Variants in GDPD5 observed in about 807,000 individuals in gnomAD.
GDPD5 encodes glycerophosphodiester phosphodiesterase 2.
A neutral mutation model predicts 75.1 loss-of-function variants in GDPD5; 48 were observed. That is an observed-to-expected ratio of 0.64 (90% confidence interval 0.51 to 0.81). The LOEUF (loss-of-function observed/expected upper bound fraction) is 0.81, where lower values mean the gene tolerates loss of function less well. Ranked by LOEUF, GDPD5 falls within the 40% of genes least tolerant of loss-of-function variation. GDPD5 has a pLI of 0.00. For synonymous variants in GDPD5, 336 were observed against 339.0 expected, an observed-to-expected ratio of 0.99 and a Z score of 0.10; for missense variants, 706 against 822.6, an observed-to-expected ratio of 0.86 and a Z score of 1.73.
chr11:75,466,269 G>T (rs1389769606), intron 3 of GDPD5, among the ~76,000 whole-genome samples: 6 of 152,180 alleles, frequency 3.9e-5, no homozygotes. Context: ...CCTGTAGATG[G>T]GGATGAAGAG....
intron 6 of GDPD5, among the ~76,000 whole-genome samples, chr11:75,456,125 A>G (rs1207684629): frequency 1.3e-5 from 2 of 152,212 alleles, no homozygotes; most frequent in African/African-American, 4.8e-5. Context: ...GGGCAAGAGC[A>G]AAGTGCTAAA....
intron 3 of GDPD5, among the ~76,000 whole-genome samples, chr11:75,467,238 T>G (rs1451484241): frequency 6.6e-6 from 1 of 152,162 alleles, no homozygotes; most frequent in African/African-American, 2.4e-5. Context: ...CTCGGTCTCC[T>G]CGTTGTAAAT....
At chr11:75,513,923 C>T (rs1950585349) in intron 1 of GDPD5, among the ~76,000 whole-genome samples, 2 of 152,208 alleles carry the variant, frequency 1.3e-5, no homozygotes, top group African/African-American at 4.8e-5. Flanking sequence ...GCCGCAGGGA[C>T]CCTCACCACT....
intron 1 of GDPD5, chr11:75,516,163 GGGA>G (rs1565225037): frequency 6.6e-5 from 10 of 152,502 alleles, no homozygotes; most frequent in Admixed American, 3.9e-4. Flanking sequence ...GCATAAATGG[GGGA>G]CTGAAGGAAA....
chr11:75,521,208 G>C (rs558258454), intron 1 of GDPD5, among the ~76,000 whole-genome samples: 1 of 152,172 alleles, frequency 6.6e-6, no homozygotes, highest in African/African-American at 2.4e-5. Flanking sequence ...GCCTGTGCAC[G>C]GCCTAGGGCC....
intron 1 of GDPD5, among the ~76,000 whole-genome samples, chr11:75,505,167 T>C (rs1950370369): frequency 6.7e-6 from 1 of 149,884 alleles, no homozygotes; most frequent in African/African-American, 2.4e-5. Context: ...TTGAGGTAGA[T>C]AGGGAGATTA....
rs1336508051 is a variant in GDPD5 at position 75,434,780 on chromosome 11, C to T, written c.*727G>A. 1 of 152,360 alleles carries T rather than the reference C, an allele frequency of 6.6e-6. No individual in the cohort carries two copies. The highest frequency in any genetic ancestry group is 1.5e-5 in the Non-Finnish European group (1 of 68,120). 9.4% of individuals were successfully genotyped at this position (152,360 alleles called of 1,614,324 possible). ...GCCCTGTGGCCACTGATGTGGGAAC[C>T]TGAGGTCACATCAGTCTGTGGACTC... is the stretch of plus-strand genomic sequence containing the variant. On this transcript the variant is annotated 3_prime_UTR_variant, in exon 17 of 17. Coordinates refer to ENST00000336898, the MANE Select transcript of GDPD5 (RefSeq NM_030792.8).
At chr11:75,451,528 G>C (rs1395519158) in intron 6 of GDPD5, 1 of 152,264 alleles carries the variant, frequency 6.6e-6, no homozygotes, top group African/African-American at 2.4e-5. Flanking sequence ...TTCTCGGACA[G>C]ACAGCACGCT....
chr11:75,511,745 A>G (rs1950522402), intron 1 of GDPD5, among the ~76,000 whole-genome samples: 1 of 152,190 alleles, frequency 6.6e-6, no homozygotes, highest in Non-Finnish European at 1.5e-5. Flanking sequence ...CATGACAGAG[A>G]CAGATAATGA....
At chr11:75,470,923 C>G (rs912619524) in intron 3 of GDPD5, among the ~76,000 whole-genome samples, 1 of 152,202 alleles carries the variant, frequency 6.6e-6, no homozygotes, top group East Asian at 1.9e-4. Context: ...CCCCCTTGTG[C>G]GGGCTCTGCC....
intron 9 of GDPD5, among the ~76,000 whole-genome samples, chr11:75,445,182 T>C (rs1319946259): frequency 6.6e-6 from 1 of 152,180 alleles, no homozygotes; most frequent in African/African-American, 2.4e-5. Context: ...GACAAGGTCT[T>C]GCTGTCACCC....
intron 16 of GDPD5, among the ~76,000 whole-genome samples, 200 bp downstream of exon 16, chr11:75,436,736 T>G (rs1326049415): frequency 1.3e-5 from 2 of 152,068 alleles, no homozygotes; most frequent in Non-Finnish European, 1.5e-5. Context: ...ACTGTGTGTG[T>G]GGGGGTGTGT....
At chr11:75,504,357 C>T (rs151053768) in intron 1 of GDPD5, among the ~76,000 whole-genome samples, 102 of 152,316 alleles carry the variant, frequency 6.7e-4, no homozygotes, top group African/African-American at 2.3e-3. Flanking sequence ...CAGGGTCCAA[C>T]CCAGGCCCAT....
At chr11:75,455,534 G>A (rs1342820031) in intron 6 of GDPD5, among the ~76,000 whole-genome samples, 2 of 152,162 alleles carry the variant, frequency 1.3e-5, no homozygotes, top group Non-Finnish European at 2.9e-5. Context: ...GCCCAACCCA[G>A]GCTCATGCTG....
intron 6 of GDPD5, among the ~76,000 whole-genome samples, chr11:75,455,572 C>G (rs1036078625): frequency 6.6e-6 from 1 of 152,250 alleles, no homozygotes; most frequent in African/African-American, 2.4e-5. Flanking sequence ...ATTCCACATC[C>G]GTCTTCTAGC....
chr11:75,517,807 TA>T (rs60187202), intron 1 of GDPD5, among the ~76,000 whole-genome samples: 23 of 148,472 alleles, frequency 1.5e-4, no homozygotes, highest in South Asian at 2.1e-4. Context: ...TCCCCTAGAT[TA>T]AAAAAAAAAA....
intron 1 of GDPD5, 130 bp from the exon 2 acceptor site, chr11:75,490,450 G>A (rs1395508061): frequency 1.3e-5 from 2 of 152,360 alleles, no homozygotes; most frequent in African/African-American, 2.4e-5. Context: ...CCAGTGATGG[G>A]TGACACCGAG....
chr11:75,496,779 C>CTTTCTTTTTTTTTTTTTTTTTTTTTTTTT (rs58663409), intron 1 of GDPD5, among the ~76,000 whole-genome samples: 1 of 103,112 alleles, frequency 9.7e-6, no homozygotes, highest in Non-Finnish European at 1.8e-5. Flanking sequence ...TTCTTTCTTT[C>CTTTCTTTTTTTTTTTTTTTTTTTTTTTTT]TTTTTTTTTT....
chr11:75,504,336 A>C (rs1047984655), intron 1 of GDPD5, among the ~76,000 whole-genome samples: 1 of 152,226 alleles, frequency 6.6e-6, no homozygotes, highest in Non-Finnish European at 1.5e-5. Context: ...CAGCTAAAGG[A>C]GGCTAAAAGC....
Sources: allele counts gnomAD v4.1 joint callset (sites outside exome capture counted in the v4.1 genomes callset), GRCh38; gene constraint gnomAD v4.1.1; transcripts MANE v1.5; gene names NCBI Gene and HGNC (gene_info 2026-07-23, HGNC 2026-07-21).